Variants in HDAC4 observed in about 807,000 individuals in gnomAD.
HDAC4 encodes the protein histone deacetylase A.
HDAC4 carries 16 observed loss-of-function variants against 135.1 expected under a neutral mutation model. The ratio of observed to expected loss-of-function variants is 0.12; its 90% confidence interval spans 0.08 to 0.18. HDAC4 has a LOEUF of 0.18. Among genes scored for constraint, HDAC4 ranks in the 10% least tolerant of loss-of-function variants. HDAC4 has a pLI of 1.00. For missense variants in HDAC4, 1,143 were observed against 1,511.8 expected (o/e 0.76, Z 4.05); for synonymous variants, 685 against 653.4 (o/e 1.05, Z -0.74).
intron 2 of HDAC4, among the ~76,000 whole-genome samples, chr2:239,315,458 G>C (rs1030004967): frequency 2.0e-5 from 3 of 152,156 alleles, no homozygotes; most frequent in East Asian, 1.9e-4. Flanking sequence ...GCCGATGCAC[G>C]AGCGCTAGAG....
Position 239,143,910 on chromosome 2 carries a change from T to C in HDAC4, c.865+673A>G, listed in dbSNP as rs1365282246. The stretch of plus-strand genomic sequence containing the variant: ...CCATGCCCAAGCAGCTCCTTTATCC[T>C]GGTGCTGTGATTTCAGGAGTGGTGG... On this transcript the variant is annotated intron_variant, in intron 8 of 26. Transcript: ENST00000543185. Among the ~76,000 whole-genome samples the C allele has an allele frequency of 2.0e-5, 3 of 152,336 alleles. No individual in the cohort carries two copies. In the Middle Eastern group the frequency reaches 0.01, roughly 518 times the overall value.
chr2:239,293,067 G>A (rs4502439), intron 2 of HDAC4, among the ~76,000 whole-genome samples: 15,784 of 152,204 alleles, frequency 0.1, 1,429 homozygotes, highest in East Asian at 0.43. Flanking sequence ...TGAGGCCAGC[G>A]GCCAGCTCCC....
At chr2:239,203,266 C>CA (rs1396127196) in intron 3 of HDAC4, among the ~76,000 whole-genome samples, 1 of 152,196 alleles carries the variant, frequency 6.6e-6, no homozygotes, top group Non-Finnish European at 1.5e-5. Context: ...ACAAGGTGGA[C>CA]ACAGGTGCAC....
At chr2:239,094,425 C>G (rs2036807159) in intron 17 of HDAC4, 1 of 627,866 alleles carries the variant, frequency 1.6e-6, no homozygotes, top group African/African-American at 2.5e-5. Flanking sequence ...TAGAAGCCAG[C>G]ACAGCCCAGT....
chr2:239,194,597 C>T (rs767229037), intron 3 of HDAC4, among the ~76,000 whole-genome samples: 1 of 152,248 alleles, frequency 6.6e-6, no homozygotes, highest in South Asian at 2.1e-4. Flanking sequence ...CCCAGCACTC[C>T]CCACTCCCAA....
In HDAC4 at chr2:239,245,339, T is replaced by C. The variant is rs764317352; in HGVS notation, c.23-8675A>G. 1.3e-5 allele frequency among the ~76,000 whole-genome samples: 2 copies of C among 152,166 alleles called. No individual in the cohort carries two copies. Among genetic ancestry groups the C allele is most frequent in the African/African-American group, 2.4e-5 (1 of 41,428 alleles). On this transcript the variant is annotated intron_variant, in intron 2 of 26. Transcript: ENST00000543185. The surrounding 1 kb of genome is among the most constrained non-coding windows in gnomAD (Gnocchi z 4.4). Reference sequence around the variant, plus strand: ...GAAAATCCCAGGACAAAGGACTCAGTGAGGCGGAGAGTGGGCAGGGGAAAT... The same window carrying C: ...GAAAATCCCAGGACAAAGGACTCAGCGAGGCGGAGAGTGGGCAGGGGAAAT...
intron 3 of HDAC4, among the ~76,000 whole-genome samples, chr2:239,191,269 T>C (rs2044931587): frequency 6.6e-6 from 1 of 152,210 alleles, no homozygotes; most frequent in Non-Finnish European, 1.5e-5. Context: ...TCAGCACCTT[T>C]GGGCGTGACC....
At chr2:239,358,066 C>G (rs1346231091) in intron 1 of HDAC4, among the ~76,000 whole-genome samples, 2 of 152,132 alleles carry the variant, frequency 1.3e-5, no homozygotes. Context: ...TGGAGAGAGA[C>G]ACATATCAAC....
chr2:239,356,587 C>G (rs983154840), intron 1 of HDAC4, among the ~76,000 whole-genome samples: 1 of 152,038 alleles, frequency 6.6e-6, no homozygotes, highest in African/African-American at 2.4e-5. Context: ...TATCACATAA[C>G]TAATCAAAAG....
At chr2:239,320,824 A>G (rs929412755) in intron 2 of HDAC4, among the ~76,000 whole-genome samples, 9 of 152,346 alleles carry the variant, frequency 5.9e-5, no homozygotes, top group Admixed American at 5.9e-4. Context: ...CATGAAAAAG[A>G]TTCATTTTTG....
intron 16 of HDAC4, among the ~76,000 whole-genome samples, chr2:239,098,616 C>T (rs992453199): frequency 6.6e-5 from 10 of 152,370 alleles, no homozygotes; most frequent in African/African-American, 1.7e-4. Flanking sequence ...AATTCAGCCA[C>T]GCCTTATGTG....
chr2:239,069,841 G>C (rs1297163873), intron 22 of HDAC4, among the ~76,000 whole-genome samples: 1 of 152,198 alleles, frequency 6.6e-6, no homozygotes, highest in African/African-American at 2.4e-5. Context: ...CTTGCTTAGT[G>C]AGAGTGAGAG....
At chr2:239,397,807 C>T (rs1696665976) in intron 1 of HDAC4, among the ~76,000 whole-genome samples, 1 of 152,190 alleles carries the variant, frequency 6.6e-6, no homozygotes, top group African/African-American at 2.4e-5. Flanking sequence ...GGTAGCATCA[C>T]TTTTGACATG....
At chr2:239,354,118 G>A (rs116243907) in intron 1 of HDAC4, among the ~76,000 whole-genome samples, 1,869 of 152,280 alleles carry the variant, frequency 0.012, 40 homozygotes, top group African/African-American at 0.042. Context: ...CTTCCTTGCC[G>A]TTGTTTTTCT....
intron 2 of HDAC4, among the ~76,000 whole-genome samples, chr2:239,254,166 C>T (rs74000557): frequency 0.055 from 8,409 of 152,028 alleles, 792 homozygotes; most frequent in African/African-American, 0.19. Flanking sequence ...CCTGTAGCCC[C>T]AGGAAGACAA....
chr2:239,345,551 A>AACAC (rs146766615), intron 2 of HDAC4, among the ~76,000 whole-genome samples: 1 of 150,572 alleles, frequency 6.6e-6, no homozygotes, highest in African/African-American at 2.4e-5. Flanking sequence ...GACCCTGTCT[A>AACAC]ACACACACAC....
Position 239,054,737 on chromosome 2 carries a change from C to G in HDAC4, c.3088+12G>C. ...GGCGTGTCCCCTGTGAGCACCCAGC[C>G]AGGCAACTTACTGTGGATCTCCATG... is the stretch of plus-strand genomic sequence containing the variant. On this transcript the variant is annotated intron_variant, in intron 25 of 26. Coordinates refer to ENST00000543185, the MANE Select transcript of HDAC4 (RefSeq NM_001378414.1). The G allele has an allele frequency of 6.3e-7, 1 of 1,595,192 alleles. No individual in the cohort carries two copies. Among genetic ancestry groups the G allele is most frequent in the Non-Finnish European group, 8.6e-7 (1 of 1,162,778 alleles).
chr2:239,286,585 C>A (rs2051148672), intron 2 of HDAC4, among the ~76,000 whole-genome samples: 1 of 152,170 alleles, frequency 6.6e-6, no homozygotes. Context: ...GCACTAGCTG[C>A]GGATTTCCAG....
At chr2:239,184,276 G>A (rs2044346134) in intron 4 of HDAC4, among the ~76,000 whole-genome samples, 1 of 151,846 alleles carries the variant, frequency 6.6e-6, no homozygotes, top group Non-Finnish European at 1.5e-5. Flanking sequence ...CCTGGAGGCT[G>A]TGCCCTATGG....
Sources: gnomAD v4.1 joint callset for allele counts (sites outside exome capture counted in the v4.1 genomes callset) on GRCh38, gnomAD v4.1.1 for gene constraint, Gnocchi (gnomAD v3.1) non-coding constraint, MANE v1.5 for transcripts, NCBI Gene and HGNC (gene_info 2026-07-23, HGNC 2026-07-21) for gene names.